The following SASH1 variants were observed in gnomAD, a reference collection of about 807,000 sequenced individuals.
SASH1 encodes SAM and SH3 domain-containing protein 1.
SASH1 carries 44 observed loss-of-function variants against 125.2 expected under a neutral mutation model. The observed-to-expected ratio is 0.35, with a 90% CI of 0.28 to 0.45. The LOEUF (loss-of-function observed/expected upper bound fraction) is 0.45, where lower values mean the gene tolerates loss of function less well. Among genes scored for constraint, SASH1 ranks in the 20% least tolerant of loss-of-function variants. SASH1 has a pLI of 1.00. For missense variants in SASH1, 1,426 were observed against 1,614.5 expected (o/e 0.88, Z 2.00); for synonymous variants, 639 against 649.1 (o/e 0.98, Z 0.24).
intron 7 of SASH1, among the ~76,000 whole-genome samples, chr6:148,477,594 C>T (rs1462307042): frequency 1.3e-5 from 2 of 151,650 alleles, no homozygotes; most frequent in Non-Finnish European, 2.9e-5. Flanking sequence ...GGCGAGATCT[C>T]GGCTCACTGC....
At chr6:148,323,432 G>A (rs1379871903) in intron 1 of SASH1, among the ~76,000 whole-genome samples, 2 of 152,222 alleles carry the variant, frequency 1.3e-5, no homozygotes, top group African/African-American at 2.4e-5. Flanking sequence ...TGATTCTAAT[G>A]TGTACACTCA....
At chr6:148,335,450 G>A (rs1364615225) in intron 1 of SASH1, among the ~76,000 whole-genome samples, 2 of 138,260 alleles carry the variant, frequency 1.4e-5, no homozygotes, top group Admixed American at 7.5e-5. Context: ...GGGCAACAGC[G>A]TGAGACTCTG....
chr6:148,340,481 ACT>A (rs768862181), upstream of SASH1, among the ~76,000 whole-genome samples: 10 of 132,998 alleles, frequency 7.5e-5, no homozygotes, highest in South Asian at 2.4e-4. Flanking sequence ...ACAGAGCAAG[ACT>A]CTGTCTCAAA....
At chr6:148,232,512 A>C in the SASH1 span, among the ~76,000 whole-genome samples, 1 of 152,136 alleles carries the variant, frequency 6.6e-6, no homozygotes, top group Non-Finnish European at 1.5e-5. Context: ...GAAAGGAGAC[A>C]CTCTTTGGGG....
intron 2 of SASH1, among the ~76,000 whole-genome samples, chr6:148,436,721 G>A (rs1376773561): frequency 2.0e-5 from 3 of 152,094 alleles, no homozygotes. Flanking sequence ...CCCAGCTTTT[G>A]CATGTTCCCA....
intron 1 of SASH1, among the ~76,000 whole-genome samples, chr6:148,336,443 G>T (rs1381112284): frequency 6.6e-6 from 1 of 152,078 alleles, no homozygotes; most frequent in Non-Finnish European, 1.5e-5. Context: ...CTCCCAAAGT[G>T]CTGGGATTAC....
At chr6:148,271,596 T>C (rs1255231727), upstream of SASH1, among the ~76,000 whole-genome samples, 3 of 152,312 alleles carry the variant, frequency 2.0e-5, no homozygotes, top group Non-Finnish European at 4.4e-5. Flanking sequence ...AAATTCATGT[T>C]TTTGTAACTT....
the SASH1 span, among the ~76,000 whole-genome samples, chr6:148,262,065 G>A: frequency 2.0e-5 from 3 of 151,788 alleles, no homozygotes; most frequent in South Asian, 2.1e-4. Flanking sequence ...TGAAAACACT[G>A]CACTCTTCTC....
chr6:148,349,960 C>T (rs920496782), intron 1 of SASH1, among the ~76,000 whole-genome samples: 1 of 152,002 alleles, frequency 6.6e-6, no homozygotes, highest in Non-Finnish European at 1.5e-5. Flanking sequence ...ATTCTCCTGC[C>T]TCAGCCTCCT....
At chr6:148,493,065 T>A (rs932996316) in intron 8 of SASH1, among the ~76,000 whole-genome samples, 2 of 152,162 alleles carry the variant, frequency 1.3e-5, no homozygotes, top group African/African-American at 4.8e-5. Context: ...GAAGAGTGAC[T>A]TCTCTTTTGG....
intron 1 of SASH1, among the ~76,000 whole-genome samples, chr6:148,291,501 C>G (rs898854127): frequency 2.0e-5 from 3 of 151,946 alleles, no homozygotes; most frequent in Non-Finnish European, 4.4e-5. Flanking sequence ...GCCAATGTGA[C>G]GAAACTCTGT....
chr6:148,234,974 G>T, the SASH1 span, among the ~76,000 whole-genome samples: 11 of 152,272 alleles, frequency 7.2e-5, no homozygotes, highest in East Asian at 1.9e-3. Context: ...GCTGTCTTCG[G>T]TCCCAGGTGA....
chr6:148,335,300 GAA>G (rs1233690813), intron 1 of SASH1, among the ~76,000 whole-genome samples: 12 of 130,942 alleles, frequency 9.2e-5, no homozygotes, highest in Non-Finnish European at 1.3e-4. Context: ...TCTGTCTCAG[GAA>G]AAAAAAAAAA....
chr6:148,437,935 C>G (rs916359806), intron 2 of SASH1, among the ~76,000 whole-genome samples: 1 of 152,092 alleles, frequency 6.6e-6, no homozygotes, highest in Non-Finnish European at 1.5e-5. Context: ...GCAAATGATG[C>G]ACTTAGCAAA....
At chr6:148,397,593 A>G (rs1475964411) in intron 2 of SASH1, among the ~76,000 whole-genome samples, 2 of 152,158 alleles carry the variant, frequency 1.3e-5, no homozygotes, top group Non-Finnish European at 2.9e-5. Context: ...GCCCAGCATG[A>G]TAGAGAACAC....
intron 1 of SASH1, among the ~76,000 whole-genome samples, chr6:148,384,407 T>G (rs117219599): frequency 0.011 from 1,661 of 152,286 alleles, 12 homozygotes; most frequent in Admixed American, 0.016. Flanking sequence ...TCCGTTTCAG[T>G]GTTTTAATCA....
At chr6:148,448,914 A>C (rs1415194235) in intron 4 of SASH1, among the ~76,000 whole-genome samples, 1 of 151,970 alleles carries the variant, frequency 6.6e-6, no homozygotes, top group African/African-American at 2.4e-5. Context: ...CCCTTCACCC[A>C]GACTTTTTCA....
rs201145545 is a variant in SASH1, at chr6:148,381,617, C to CTTTTTTTTTTTTTTTT, written c.157-8506_157-8491dup. Among the ~76,000 whole-genome samples, 42 of 77,894 alleles carry CTTTTTTTTTTTTTTTT rather than the reference C, an allele frequency of 5.4e-4. 10 individuals carry two copies. The highest frequency in any genetic ancestry group is 1.2e-3 in the African/African-American group (22 of 19,086). The allele number at this position is 77,894 out of a possible 152,430, so 51.1% of individuals were successfully genotyped here. On this transcript the variant is annotated intron_variant, in intron 1 of 19. Transcript: ENST00000367467. ...ACTCCATCAGTGCCTTTCTTGCTTT[C>CTTTTTTTTTTTTTTTT]TTTTTTTTTTTTTTTTTTTTTTTTT...
chr6:148,489,507 T>C (rs1012345909), intron 8 of SASH1, among the ~76,000 whole-genome samples: 4 of 152,314 alleles, frequency 2.6e-5, no homozygotes, highest in East Asian at 1.9e-4. Context: ...TTGAAAAATA[T>C]ATCGTTGGGA....
Sources: allele counts gnomAD v4.1 joint callset (sites outside exome capture counted in the v4.1 genomes callset), GRCh38; gene constraint gnomAD v4.1.1; transcripts MANE v1.5; gene names NCBI Gene and HGNC (gene_info 2026-07-23, HGNC 2026-07-21).